The following SMCHD1 variants were observed in gnomAD, a reference collection of about 807,000 sequenced individuals.
SMCHD1 encodes the protein structural maintenance of chromosomes flexible hinge domain containing 1.
SMCHD1 carries 78 observed loss-of-function variants against 254.7 expected under a neutral mutation model. That is an observed-to-expected ratio of 0.31 (90% confidence interval 0.26 to 0.37). The LOEUF is 0.37. Among genes scored for constraint, SMCHD1 ranks in the 10% least tolerant of loss-of-function variants. The probability of loss-of-function intolerance (pLI) is 1.00; values close to 1 mark genes in which losing one functional copy is unlikely to be tolerated. For missense variants in SMCHD1, 1,840 were observed against 2,408.1 expected (o/e 0.76, Z 4.94); for synonymous variants, 766 against 794.9 (o/e 0.96, Z 0.61).
chr18:2,703,724 T>C lies in SMCHD1; in HGVS notation c.1680T>C (p.Ala560=). 6.2e-7 allele frequency: 1 copy of C among 1,609,464 alleles called. No homozygotes were observed. Among genetic ancestry groups the C allele is most frequent in the Non-Finnish European group, 8.5e-7 (1 of 1,178,466 alleles). Reference sequence around the variant, plus strand: ...GAATGAAAATTGACAGAGAATTTGCTTTGTGGCTGAAGGACTGTCATGAGA... The same window carrying C: ...GAATGAAAATTGACAGAGAATTTGCCTTGTGGCTGAAGGACTGTCATGAGA... ...EQRMKIDREF[A]LWLKDCHEKY... Residue 560 remains alanine (A), a synonymous_variant, in exon 13 of 48, where the codon GCT becomes GCC. Transcript: ENST00000320876.
intron 1 of SMCHD1, among the ~76,000 whole-genome samples, chr18:2,663,778 G>C (rs1043458135): frequency 3.3e-5 from 5 of 151,224 alleles, no homozygotes; most frequent in Admixed American, 6.6e-5. Context: ...GCAGTGGCGC[G>C]ATCTCACCTT....
chr18:2,706,280 T>A, intron 14 of SMCHD1, 84 bp from the exon 15 acceptor site: 1 of 871,320 alleles, frequency 1.1e-6, no homozygotes, highest in South Asian at 1.8e-5. Flanking sequence ...TATATTTCTT[T>A]GGAAGAAACA....
At chr18:2,696,083 A>G (rs1375361104) in intron 8 of SMCHD1, among the ~76,000 whole-genome samples, 1 of 152,214 alleles carries the variant, frequency 6.6e-6, no homozygotes, top group Non-Finnish European at 1.5e-5. Flanking sequence ...TATAATCCTG[A>G]ACAATGTTAC....
intron 37 of SMCHD1, among the ~76,000 whole-genome samples, chr18:2,769,049 C>T (rs1446079369): frequency 2.0e-5 from 3 of 152,076 alleles, no homozygotes; most frequent in African/African-American, 7.2e-5. Flanking sequence ...TAAACAAAAA[C>T]AGCTACTATC....
chr18:2,731,950 G>T (rs1464339573), intron 24 of SMCHD1, among the ~76,000 whole-genome samples: 1 of 152,182 alleles, frequency 6.6e-6, no homozygotes, highest in East Asian at 1.9e-4. Flanking sequence ...GGCAGAGGTT[G>T]CAGTGAGCCA....
intron 41 of SMCHD1, among the ~76,000 whole-genome samples, chr18:2,772,685 C>T (rs1598430058): frequency 1.3e-5 from 2 of 152,196 alleles, no homozygotes; most frequent in East Asian, 1.9e-4. Context: ...GGCTGGAGTA[C>T]GATGGTAAGA....
In SMCHD1 at chr18:2,751,504, G is replaced by A. The variant is rs187725257; in HGVS notation, c.4281+111G>A. The A allele has an allele frequency of 4.9e-4, 306 of 624,510 alleles. No homozygotes were observed. In the African/African-American group the frequency reaches 5.4e-3, roughly 11 times the overall value. The allele number at this position is 624,510 out of a possible 1,614,324, so 38.7% of individuals were successfully genotyped here. Reference sequence around the variant, plus strand: ...TGTTATATAAATTTGAGAAATGGAAGTGAATTTACTTCATTCCTTTGGGGT... The same window carrying A: ...TGTTATATAAATTTGAGAAATGGAAATGAATTTACTTCATTCCTTTGGGGT... On this transcript the variant is annotated intron_variant, in intron 33 of 47. Transcript: ENST00000320876.
intron 34 of SMCHD1, chr18:2,753,006 G>C (rs773952061): frequency 1.2e-5 from 2 of 168,224 alleles, no homozygotes; most frequent in African/African-American, 2.4e-5. Flanking sequence ...TTTGTTCAGT[G>C]CTTTTTCAGA....
chr18:2,713,577 C>T (rs1568212862), intron 17 of SMCHD1, among the ~76,000 whole-genome samples: 1 of 151,972 alleles, frequency 6.6e-6, no homozygotes, highest in Non-Finnish European at 1.5e-5. Context: ...TTCAGCTACT[C>T]GGGAGGCTGA....
At chr18:2,668,774 G>A (rs2073510995) in intron 3 of SMCHD1, among the ~76,000 whole-genome samples, 1 of 152,020 alleles carries the variant, frequency 6.6e-6, no homozygotes, top group African/African-American at 2.4e-5. Flanking sequence ...ACGCTCTTAT[G>A]GTCACCAACA....
intron 1 of SMCHD1, 93 bp downstream of exon 1, chr18:2,656,354 G>A: frequency 8.5e-7 from 1 of 1,171,420 alleles, no homozygotes; most frequent in Non-Finnish European, 1.1e-6. Context: ...CAATAAACCT[G>A]TCACCCGGTC....
At chr18:2,720,206 C>T (rs1331032238) in intron 19 of SMCHD1, among the ~76,000 whole-genome samples, 1 of 152,102 alleles carries the variant, frequency 6.6e-6, no homozygotes, top group Non-Finnish European at 1.5e-5. Flanking sequence ...TCCTACTTTC[C>T]ATCTCTTGGT....
At chr18:2,746,422 C>T (rs2075454190) in intron 29 of SMCHD1, among the ~76,000 whole-genome samples, 1 of 152,052 alleles carries the variant, frequency 6.6e-6, no homozygotes, top group South Asian at 2.1e-4. Context: ...TTTGGGTAAA[C>T]AGTTATTTGA....
chr18:2,748,584 G>A (rs1387012353), intron 30 of SMCHD1, among the ~76,000 whole-genome samples: 5 of 151,746 alleles, frequency 3.3e-5, no homozygotes, highest in Non-Finnish European at 5.9e-5. Context: ...TAGTACAGAC[G>A]GGGTTTCACC....
chr18:2,736,750 CAG>C (rs1173336361), intron 25 of SMCHD1, among the ~76,000 whole-genome samples: 1 of 152,108 alleles, frequency 6.6e-6, no homozygotes, highest in African/African-American at 2.4e-5. Context: ...CAAAAAATAA[CAG>C]ATGTTGGCAA....
chr18:2,711,210 C>T (rs1354350388), intron 17 of SMCHD1, among the ~76,000 whole-genome samples: 6 of 151,790 alleles, frequency 4.0e-5, no homozygotes, highest in Admixed American at 2.6e-4. Flanking sequence ...GCCTCGAACG[C>T]GTAGCCTCAC....
At chr18:2,663,106 A>G (rs1289536579) in intron 1 of SMCHD1, among the ~76,000 whole-genome samples, 2 of 151,968 alleles carry the variant, frequency 1.3e-5, no homozygotes, top group South Asian at 2.1e-4. Flanking sequence ...GACTTGTGCT[A>G]TTTGCATCTT....
chr18:2,700,292 A>G (rs141144934), intron 10 of SMCHD1, among the ~76,000 whole-genome samples: 3 of 152,330 alleles, frequency 2.0e-5, no homozygotes, highest in Non-Finnish European at 2.9e-5. Context: ...TAGCCTCATG[A>G]ATAGGTTTTA....
chr18:2,666,349 TTGGG>T, intron 2 of SMCHD1, 117 bp downstream of exon 2: 1 of 554,670 alleles, frequency 1.8e-6, no homozygotes, highest in Non-Finnish European at 3.2e-6. Flanking sequence ...TGTTAATTTG[TTGGG>T]ATGAGGGAGG....
Sources: gnomAD v4.1 joint callset for allele counts (sites outside exome capture counted in the v4.1 genomes callset) on GRCh38, gnomAD v4.1.1 for gene constraint, MANE v1.5 for transcripts, NCBI Gene and HGNC (gene_info 2026-07-23, HGNC 2026-07-21) for gene names.